Variants in TYR observed in about 807,000 individuals in gnomAD.
TYR encodes LB24-AB.
A neutral mutation model predicts 51.5 loss-of-function variants in TYR; 58 were observed. The ratio of observed to expected loss-of-function variants is 1.13; its 90% CI spans 0.91 to 1.40. The LOEUF (loss-of-function observed/expected upper bound fraction) is 1.40. Ranked by LOEUF, TYR falls within the 40% of genes most tolerant of loss-of-function variation. The probability of loss-of-function intolerance (pLI) is 0.00; values close to 1 mark genes in which losing one functional copy is unlikely to be tolerated. For missense variants in TYR, 732 were observed against 647.4 expected (o/e 1.13, Z -1.42); for synonymous variants, 263 against 235.2 (o/e 1.12, Z -1.08).
At chr11:89,260,779 T>C (rs1944447899) in intron 3 of TYR, among the ~76,000 whole-genome samples, 1 of 152,074 alleles carries the variant, frequency 6.6e-6, no homozygotes, top group Admixed American at 6.6e-5. Flanking sequence ...TGTGGGACAA[T>C]AACAGCATAA....
chr11:89,257,845 G>T (rs1193792853), intron 3 of TYR, among the ~76,000 whole-genome samples: 1 of 151,818 alleles, frequency 6.6e-6, no homozygotes, highest in Non-Finnish European at 1.5e-5. Context: ...CCTTTCTTTG[G>T]TTACTGTAGT....
intron 2 of TYR, among the ~76,000 whole-genome samples, chr11:89,192,434 C>T (rs1326893520): frequency 6.6e-6 from 1 of 152,080 alleles, no homozygotes; most frequent in African/African-American, 2.4e-5. Flanking sequence ...TCCTAAAAGG[C>T]CTGTGACACC....
At chr11:89,228,111 C>T (rs1324497516) in intron 3 of TYR, 141 bp downstream of exon 3, 1 of 964,512 alleles carries the variant, frequency 1.0e-6, no homozygotes, top group Non-Finnish European at 1.6e-6. Flanking sequence ...CCAAAACAGA[C>T]CTTAGGCTAA....
At chr11:89,280,184 C>T (rs1944705071) in intron 3 of TYR, among the ~76,000 whole-genome samples, 1 of 151,590 alleles carries the variant, frequency 6.6e-6, no homozygotes, top group African/African-American at 2.4e-5. Context: ...TTGTATATTT[C>T]TTACCCCAGC....
intron 2 of TYR, among the ~76,000 whole-genome samples, chr11:89,223,002 A>G (rs962492923): frequency 6.6e-6 from 1 of 152,150 alleles, no homozygotes; most frequent in Admixed American, 6.5e-5. Flanking sequence ...TAAAAATGAC[A>G]AGTCCACAAA....
At chr11:89,224,218 C>A (rs1226542066) in intron 2 of TYR, among the ~76,000 whole-genome samples, 3 of 152,172 alleles carry the variant, frequency 2.0e-5, no homozygotes, top group African/African-American at 7.2e-5. Flanking sequence ...AACTATTTAC[C>A]ACATGCAACA....
intron 2 of TYR, among the ~76,000 whole-genome samples, chr11:89,208,512 A>C (rs896098776): frequency 1.1e-4 from 16 of 152,268 alleles, no homozygotes; most frequent in African/African-American, 3.6e-4. Flanking sequence ...CTTAGGGAGG[A>C]CTTCCAATAT....
At chr11:89,271,048 A>T (rs183988149) in intron 3 of TYR, among the ~76,000 whole-genome samples, 22 of 152,042 alleles carry the variant, frequency 1.4e-4, no homozygotes, top group African/African-American at 4.8e-4. Flanking sequence ...GCTAATCTTA[A>T]AGGGGCAAAA....
chr11:89,185,521 G>A (rs7103781), intron 1 of TYR, among the ~76,000 whole-genome samples: 31,077 of 152,054 alleles, frequency 0.2, 4,462 homozygotes, highest in African/African-American at 0.41. Context: ...ACAACAATGT[G>A]AAAATAAATG....
intron 3 of TYR, among the ~76,000 whole-genome samples, chr11:89,277,760 G>A (rs796419268): frequency 1.1e-4 from 17 of 151,720 alleles, no homozygotes; most frequent in African/African-American, 4.1e-4. Flanking sequence ...CAGTTGTACT[G>A]CTTGGATTTC....
chr11:89,278,598 G>GTAAA lies in TYR; in HGVS notation c.1185-6172_1185-6169dup, dbSNP rs140452447. 7.8e-3 allele frequency among the ~76,000 whole-genome samples: 1,189 copies of GTAAA among 151,480 alleles called. 17 individuals are homozygous for GTAAA. Among genetic ancestry groups the GTAAA allele is most frequent in the African/African-American group, 0.028 (1,150 of 41,382 alleles). On this transcript the variant is annotated intron_variant, in intron 3 of 4. Transcript: ENST00000263321. ...GCTTCCTTGTTTGTTCTTTTTTTAA[G>GTAAA]TAAATATTTTATAATTATTTTATTT...
At chr11:89,208,162 C>G (rs1053357760) in intron 2 of TYR, among the ~76,000 whole-genome samples, 1 of 151,968 alleles carries the variant, frequency 6.6e-6, no homozygotes, top group Non-Finnish European at 1.5e-5. Context: ...ACTAGCTACT[C>G]GGGAGGCTGA....
chr11:89,284,808 T>C lies in TYR; in HGVS notation c.1220T>C (p.Leu407Pro). Residue 407 changes from leucine (L) to proline (P), a missense_variant, in exon 4 of 5, where the codon CTT becomes CCT. Physicochemically the swap from Leu to Pro is moderately conservative, Grantham distance 98. Transcript: ENST00000263321. ...FEQWLRRHRPLQEVYPEANAP... is the reference protein window; with the variant it reads ...FEQWLRRHRPPQEVYPEANAP... ...CAGTGGCTCCGAAGGCACCGTCCTC[T>C]TCAAGAAGTTTATCCAGAAGCCAAT... The C allele has an allele frequency of 6.2e-7, 1 of 1,611,820 alleles. No homozygotes were observed. Among genetic ancestry groups the C allele is most frequent in the Non-Finnish European group, 8.5e-7 (1 of 1,178,480 alleles).
intron 1 of TYR, among the ~76,000 whole-genome samples, chr11:89,185,107 G>A (rs1943352939): frequency 6.6e-6 from 1 of 152,142 alleles, no homozygotes; most frequent in African/African-American, 2.4e-5. Context: ...CTCGCCTACT[G>A]TTCACAAAAT....
At chr11:89,239,804 G>A (rs1944168759) in intron 3 of TYR, among the ~76,000 whole-genome samples, 1 of 151,924 alleles carries the variant, frequency 6.6e-6, no homozygotes, top group African/African-American at 2.4e-5. Flanking sequence ...CCCATTTGTT[G>A]TTCAGAAACA....
At chr11:89,241,460 G>A (rs990771660) in intron 3 of TYR, among the ~76,000 whole-genome samples, 8 of 151,850 alleles carry the variant, frequency 5.3e-5, no homozygotes, top group Admixed American at 1.3e-4. Context: ...CAAGAAATAC[G>A]ATATGTGTCT....
chr11:89,186,006 T>G (rs556932598), intron 1 of TYR, among the ~76,000 whole-genome samples: 1 of 152,124 alleles, frequency 6.6e-6, no homozygotes, highest in Non-Finnish European at 1.5e-5. Flanking sequence ...GAGTCAACAA[T>G]GCCTGTTTTT....
chr11:89,189,251 C>T (rs1048487400), intron 1 of TYR, among the ~76,000 whole-genome samples: 3 of 151,856 alleles, frequency 2.0e-5, no homozygotes, highest in Non-Finnish European at 4.4e-5. Context: ...ATTTGTGAAG[C>T]GAAATGTATT....
chr11:89,199,740 C>T (rs1025454068), intron 2 of TYR, among the ~76,000 whole-genome samples: 5 of 152,190 alleles, frequency 3.3e-5, no homozygotes, highest in African/African-American at 9.6e-5. Context: ...CAATAGTCTT[C>T]TCAACTTCTC....
Sources: gnomAD v4.1 joint callset for allele counts (sites outside exome capture counted in the v4.1 genomes callset) on GRCh38, gnomAD v4.1.1 for gene constraint, MANE v1.5 for transcripts, NCBI Gene and HGNC (gene_info 2026-07-23, HGNC 2026-07-21) for gene names.